The following ANLN variants were observed in gnomAD, a reference collection of about 807,000 sequenced individuals.
ANLN encodes the protein anillin, actin binding protein.
ANLN carries 59 observed loss-of-function variants against 135.1 expected under a neutral mutation model. The ratio of observed to expected loss-of-function variants is 0.44; its 90% CI spans 0.35 to 0.54. The LOEUF is 0.54. ANLN is among the 20% of genes least tolerant of loss of function. The pLI is 0.00. For missense variants in ANLN, 1,182 were observed against 1,340.0 expected, an observed-to-expected ratio of 0.88 and a Z score of 1.84; for synonymous variants, 406 against 456.4, an observed-to-expected ratio of 0.89 and a Z score of 1.41.
intron 22 of ANLN, 65 bp from the exon 23 acceptor site, chr7:36,449,600 T>C: frequency 1.6e-6 from 2 of 1,232,936 alleles, no homozygotes; most frequent in Non-Finnish European, 2.2e-6. Context: ...ACTTAAATGC[T>C]GCTTAATGCT....
chr7:36,400,777 CT>C (rs776786663), intron 3 of ANLN, among the ~76,000 whole-genome samples: 2 of 152,208 alleles, frequency 1.3e-5, no homozygotes, highest in Non-Finnish European at 2.9e-5. Context: ...GGTTCTCAGC[CT>C]GGCTGATTGT....
intron 11 of ANLN, 87 bp downstream of exon 11, chr7:36,420,401 T>C: frequency 6.8e-7 from 1 of 1,477,844 alleles, no homozygotes; most frequent in Non-Finnish European, 9.2e-7. Context: ...ATTATAATGT[T>C]ATTAATAACT....
chr7:36,433,633 C>G (rs963864201), intron 20 of ANLN, among the ~76,000 whole-genome samples: 1 of 152,168 alleles, frequency 6.6e-6, no homozygotes, highest in Non-Finnish European at 1.5e-5. Context: ...CTGCCCTGCT[C>G]TCTCCTTTCT....
intron 20 of ANLN, among the ~76,000 whole-genome samples, chr7:36,433,904 C>G (rs1583644087): frequency 6.6e-6 from 1 of 151,816 alleles, no homozygotes; most frequent in African/African-American, 2.4e-5. Context: ...CTGAAGTTCT[C>G]CATTTTCTCA....
At chr7:36,415,638 G>C (rs1266045588) in intron 7 of ANLN, 120 bp from the exon 8 acceptor site, 1 of 1,127,966 alleles carries the variant, frequency 8.9e-7, no homozygotes, top group Non-Finnish European at 1.2e-6. Context: ...CTATCTCTTT[G>C]GTTCTAAGGA....
rs1787196855 is a variant in ANLN at position 36,406,517 on chromosome 7, C to T, written c.824C>T (p.Ser275Leu). The change falls in exon 4 of 24, where the codon TCA becomes TTA. Residue 275 changes from serine (S) to leucine (L), a missense_variant. By Grantham distance (145) the Ser-to-Leu change is moderately radical (BLOSUM62 -2). Transcript: ENST00000265748. ...GCCTCTTTGAATAAAGCCCTATCCT[C>T]AAGTGCTGATGATGCGTCTTTGGTT... is the stretch of plus-strand genomic sequence containing the variant. ...GDASLNKALS[S>L]SADDASLVNA... 3 of 1,553,202 alleles carry T rather than the reference C, an allele frequency of 1.9e-6. No homozygotes were observed. The highest frequency in any genetic ancestry group is 2.6e-6 in the Non-Finnish European group (3 of 1,146,252).
In ANLN at chr7:36,399,066, G is replaced by T. The variant is rs533413145; in HGVS notation, c.173-13G>T. ...ACAAATTTGAATGTCTTTTTTCATC[G>T]TTTTTAATGTAGAGAAATCTTGTAC... On this transcript the variant is annotated splice_polypyrimidine_tract_variant and intron_variant, in intron 2 of 23. Coordinates refer to ENST00000265748, the MANE Select transcript of ANLN (RefSeq NM_018685.5). 1.1e-5 allele frequency: 18 copies of T among 1,571,206 alleles called. No homozygotes were observed. In the Admixed American group the frequency reaches 2.1e-4, roughly 18 times the overall value.
At chr7:36,415,667 T>G in intron 7 of ANLN, 91 bp from the exon 8 acceptor site, 1 of 1,343,432 alleles carries the variant, frequency 7.4e-7, no homozygotes, top group South Asian at 1.6e-5. Context: ...CAGAATAATA[T>G]TTAATAATAA....
At chr7:36,450,205 G>A (rs1321089097) in intron 23 of ANLN, among the ~76,000 whole-genome samples, 2 of 152,116 alleles carry the variant, frequency 1.3e-5, no homozygotes, top group Non-Finnish European at 2.9e-5. Flanking sequence ...GAATACCCTC[G>A]TGTAATCAGA....
intron 2 of ANLN, 140 bp downstream of exon 2, chr7:36,396,559 T>A: frequency 1.4e-6 from 1 of 739,160 alleles, no homozygotes; most frequent in Non-Finnish European, 2.0e-6. Flanking sequence ...AATAACAGCC[T>A]TCTATTCTAT....
In ANLN at chr7:36,452,687, A is replaced by T; in HGVS notation, c.*87A>T. Reference sequence around the variant, plus strand: ...GCATCAGATTTACTGATTGCATTTTATGCTTTAAGTACGAAAGGGTTTGTG... The same window carrying T: ...GCATCAGATTTACTGATTGCATTTTTTGCTTTAAGTACGAAAGGGTTTGTG... On this transcript the variant is annotated 3_prime_UTR_variant, in exon 24 of 24. Transcript: ENST00000265748. The T allele has an allele frequency of 6.6e-7, 1 of 1,512,226 alleles. No individual in the cohort carries two copies. Among genetic ancestry groups the T allele is most frequent in the East Asian group, 2.3e-5 (1 of 43,942 alleles). 93.7% of individuals were successfully genotyped at this position (1,512,226 alleles called of 1,614,324 possible).
chr7:36,396,288 C>T lies in ANLN; in HGVS notation c.41C>T (p.Ala14Val), dbSNP rs1353290309. 1.2e-6 allele frequency: 2 copies of T among 1,605,212 alleles called. No individual in the cohort carries two copies. Among genetic ancestry groups the T allele is most frequent in the South Asian group, 2.2e-5 (2 of 90,252 alleles). Reference protein sequence around the residue: ...FTEKLLERTRARRENLQRKMA... With the variant: ...FTEKLLERTRVRRENLQRKMA... ...TAGAAACTGCTGGAGCGAACCCGTG[C>T]CAGGCGAGAGAATCTTCAGAGAAAA... is the stretch of plus-strand genomic sequence containing the variant. Residue 14 changes from alanine to valine, a missense_variant, in exon 2 of 24, where the codon GCC becomes GTC. By Grantham distance (64) the Ala-to-Val change is moderately conservative. Transcript: ENST00000265748.
chr7:36,400,909 A>C (rs1399813176), intron 3 of ANLN, among the ~76,000 whole-genome samples: 1 of 152,100 alleles, frequency 6.6e-6, no homozygotes, highest in East Asian at 1.9e-4. Context: ...CAGAATTGAG[A>C]TCAAGTGATC....
rs541460979 is a variant in ANLN, at chr7:36,432,885, T to C, written c.2883+5857T>C. On this transcript the variant is annotated intron_variant, in intron 20 of 23. Transcript: ENST00000265748. ...ACACTGCTTCATGTAACTTACAATATGAACCTCACAACAGTATAGTTCATT... is the reference window on the plus strand; with the variant it reads ...ACACTGCTTCATGTAACTTACAATACGAACCTCACAACAGTATAGTTCATT... Among the ~76,000 whole-genome samples, 3 of 152,374 alleles carry C rather than the reference T, an allele frequency of 2.0e-5. No individual in the cohort carries two copies. In the South Asian group the frequency reaches 6.2e-4, roughly 32 times the overall value.
At chr7:36,403,952 G>A (rs570174951) in intron 3 of ANLN, among the ~76,000 whole-genome samples, 5 of 152,138 alleles carry the variant, frequency 3.3e-5, no homozygotes, top group East Asian at 1.9e-4. Context: ...TGAGCCCACC[G>A]CTCCTTGCCG....
At position 36,399,245 on chromosome 7, in the gene ANLN, C is replaced by T; in HGVS notation, c.339C>T (p.Ile113=). 6.2e-7 allele frequency: 1 copy of T among 1,614,178 alleles called. No homozygotes were observed. Among genetic ancestry groups the T allele is most frequent in the Non-Finnish European group, 8.5e-7 (1 of 1,180,032 alleles). The part of the protein sequence containing the change: ...PQVQPQAADT[I]SDSVAVPASL... ...TGCAGCCACAAGCAGCAGATACCAT[C>T]AGTGATTCTGTTGCTGTCCCGGCAT... Residue 113 remains isoleucine (I), a synonymous_variant, in exon 3 of 24, where the codon ATC becomes ATT. Coordinates refer to ENST00000265748, the MANE Select transcript of ANLN (RefSeq NM_018685.5).
chr7:36,445,971 T>TA (rs1357638484), intron 22 of ANLN, among the ~76,000 whole-genome samples: 1 of 152,212 alleles, frequency 6.6e-6, no homozygotes, highest in East Asian at 1.9e-4. Flanking sequence ...ATTACTAGAC[T>TA]AAGTATCTTT....
chr7:36,410,434 G>A, intron 5 of ANLN, 80 bp from the exon 6 acceptor site: 2 of 1,221,712 alleles, frequency 1.6e-6, no homozygotes, highest in Non-Finnish European at 2.2e-6. Flanking sequence ...AAGCTGTAAT[G>A]TAGTTTAGAA....
At chr7:36,414,691 T>C (rs1332604245) in intron 7 of ANLN, among the ~76,000 whole-genome samples, 2 of 152,208 alleles carry the variant, frequency 1.3e-5, no homozygotes, top group Non-Finnish European at 2.9e-5. Flanking sequence ...TTTACTTTGC[T>C]TTTTGTGTTT....
Sources: allele counts gnomAD v4.1 joint callset (sites outside exome capture counted in the v4.1 genomes callset), GRCh38; gene constraint gnomAD v4.1.1; transcripts MANE v1.5; gene names NCBI Gene and HGNC (gene_info 2026-07-23, HGNC 2026-07-21).